Variants in ELAVL4 observed in about 807,000 individuals in gnomAD.
ELAVL4 encodes the protein ELAV-like protein 4.
ELAVL4 carries 1 observed loss-of-function variant against 35.6 expected under a neutral mutation model. The observed-to-expected ratio is 0.03, with a 90% confidence interval of 0.01 to 0.13. ELAVL4 has a LOEUF of 0.13. Ranked by LOEUF, ELAVL4 falls within the 10% of genes least tolerant of loss-of-function variation. The pLI, the probability that ELAVL4 is intolerant of heterozygous loss-of-function variation, is 1.00. For synonymous variants in ELAVL4, 156 were observed against 171.0 expected, an observed-to-expected ratio of 0.91 and a Z score of 0.69; for missense variants, 267 against 464.9, an observed-to-expected ratio of 0.57 and a Z score of 3.91.
At chr1:50,144,252 A>G (rs1673303826) in intron 1 of ELAVL4, among the ~76,000 whole-genome samples, 1 of 152,178 alleles carries the variant, frequency 6.6e-6, no homozygotes, top group South Asian at 2.1e-4. Context: ...GTAATATGTG[A>G]GTGGACAGCC....
chr1:50,172,166 G>A (rs776200411), intron 2 of ELAVL4, among the ~76,000 whole-genome samples: 23 of 152,116 alleles, frequency 1.5e-4, no homozygotes, highest in Non-Finnish European at 2.9e-4. Context: ...CTCTACTGCA[G>A]CCATCAACCA....
chr1:50,128,859 G>A (rs1296242124), intron 1 of ELAVL4, among the ~76,000 whole-genome samples: 1 of 152,106 alleles, frequency 6.6e-6, no homozygotes, highest in African/African-American at 2.4e-5. Context: ...ATGGGAGTCA[G>A]TGACCAGAAG....
intron 1 of ELAVL4, among the ~76,000 whole-genome samples, chr1:50,115,575 C>T (rs572848201): frequency 6.6e-6 from 1 of 151,520 alleles, no homozygotes; most frequent in East Asian, 1.9e-4. Context: ...ATATTTTTTC[C>T]ATAGGAAGTT....
At chr1:50,106,470 A>G, upstream of ELAVL4, 1 of 1,167,426 alleles carries the variant, frequency 8.6e-7, no homozygotes, top group Non-Finnish European at 1.3e-6. Flanking sequence ...TGCTTGAGTG[A>G]GACAAGTTTC....
At chr1:50,091,934 A>G (rs982391566) in intron 1 of ELAVL4, among the ~76,000 whole-genome samples, 1 of 152,170 alleles carries the variant, frequency 6.6e-6, no homozygotes, top group Non-Finnish European at 1.5e-5. Flanking sequence ...CCAAATCTCT[A>G]TACTTCCAAA....
chr1:50,183,787 G>A (rs543536358), intron 3 of ELAVL4, among the ~76,000 whole-genome samples: 1 of 152,308 alleles, frequency 6.6e-6, no homozygotes, highest in South Asian at 2.1e-4. Flanking sequence ...TTCGGCATAA[G>A]CAATTATTTC....
rs1644418895 is a variant in ELAVL4, at chr1:50,202,176, C to T, written c.*998C>T. 1 of 152,026 alleles carries T rather than the reference C, an allele frequency of 6.6e-6. No homozygotes were observed. The highest frequency in any genetic ancestry group is 2.4e-5 in the African/African-American group (1 of 41,400). 9.4% of individuals were successfully genotyped at this position (152,026 alleles called of 1,614,324 possible). A position where few individuals can be genotyped will look rare whatever the true frequency, so the allele number is the denominator to read the frequency against. Reference sequence around the variant, plus strand: ...TTAATTACTAGGGGAAAGGAGTGTTCGTTCTACCCAGGGTACCACAGTTCC... The same window carrying T: ...TTAATTACTAGGGGAAAGGAGTGTTTGTTCTACCCAGGGTACCACAGTTCC... On this transcript the variant is annotated 3_prime_UTR_variant, in exon 7 of 7. Coordinates refer to ENST00000371824, the MANE Select transcript of ELAVL4 (RefSeq NM_001144774.3).
chr1:50,108,024 A>C (rs1261639595), upstream of ELAVL4, among the ~76,000 whole-genome samples: 1 of 152,260 alleles, frequency 6.6e-6, no homozygotes, highest in African/African-American at 2.4e-5. Context: ...ACAGGTTTTG[A>C]AATGAGGCTG....
chr1:50,150,815 G>C (rs1281666076), intron 2 of ELAVL4, among the ~76,000 whole-genome samples: 2 of 152,174 alleles, frequency 1.3e-5, no homozygotes, highest in African/African-American at 4.8e-5. Context: ...CCCAAGGTGA[G>C]TTTATTGGCA....
intron 6 of ELAVL4, among the ~76,000 whole-genome samples, chr1:50,197,975 G>A (rs377308069): frequency 1.7e-4 from 26 of 152,340 alleles, no homozygotes; most frequent in East Asian, 5.8e-4. Flanking sequence ...AAACAAACAC[G>A]TGGATGACTT....
intron 3 of ELAVL4, among the ~76,000 whole-genome samples, chr1:50,188,016 A>G (rs1682097789): frequency 6.6e-6 from 1 of 151,900 alleles, no homozygotes; most frequent in South Asian, 2.1e-4. Context: ...AATTGCTTGA[A>G]CTCAGGAGGC....
chr1:50,108,961 C>T lies in ELAVL4; in HGVS notation c.-229C>T. The stretch of plus-strand genomic sequence containing the variant: ...GGCTCTGTTCAGTTGTTCTTATCTA[C>T]ATCCTAGAATCGGGGGTTTCAGCTC... On this transcript the variant is annotated 5_prime_UTR_variant, in exon 1 of 7. Transcript: ENST00000371824. 8.1e-7 allele frequency: 1 copy of T among 1,234,662 alleles called. No individual in the cohort carries two copies. Among genetic ancestry groups the T allele is most frequent in the South Asian group, 2.5e-5 (1 of 40,772 alleles). The allele number at this position is 1,234,662 out of a possible 1,614,324, so 76.5% of individuals were successfully genotyped here. A position where few individuals can be genotyped will look rare whatever the true frequency, so the allele number is the denominator to read the frequency against.
intron 1 of ELAVL4, among the ~76,000 whole-genome samples, chr1:50,070,667 G>T (rs1045947150): frequency 2.2e-4 from 33 of 149,910 alleles, no homozygotes; most frequent in Admixed American, 1.6e-3. Context: ...CTTGAACCCA[G>T]GAGGCGGAGG....
rs61784186 is a variant in ELAVL4 at position 50,165,794 on chromosome 1, A to G, written c.251-11295A>G. ...TATGTGTGTATATATGTGTATATAT[A>G]TGTGTATATGTGTGTGTGTATATAT... On this transcript the variant is annotated intron_variant, in intron 2 of 6. Transcript: ENST00000371824. 1.5e-4 allele frequency among the ~76,000 whole-genome samples: 14 copies of G among 96,216 alleles called. No homozygotes were observed. The South Asian group carries it at 1.5e-3, about 10-fold the overall frequency. 63.1% of individuals were successfully genotyped at this position (96,216 alleles called of 152,430 possible).
intron 2 of ELAVL4, among the ~76,000 whole-genome samples, chr1:50,159,311 T>C (rs887039402): frequency 1.3e-5 from 2 of 152,158 alleles, no homozygotes; most frequent in African/African-American, 4.8e-5. Flanking sequence ...GAACCAAGTT[T>C]AAAAGTGATT....
intron 2 of ELAVL4, among the ~76,000 whole-genome samples, chr1:50,150,468 C>CT (rs1193034596): frequency 2.6e-5 from 4 of 152,158 alleles, no homozygotes; most frequent in African/African-American, 9.7e-5. Context: ...AACTTGTGTT[C>CT]TTTCTTGAAT....
intron 3 of ELAVL4, among the ~76,000 whole-genome samples, chr1:50,189,401 C>A (rs1199885537): frequency 6.6e-6 from 1 of 152,232 alleles, no homozygotes; most frequent in East Asian, 1.9e-4. Flanking sequence ...CTGCTTTACC[C>A]ACCTTGGTGA....
At chr1:50,102,626 T>C (rs761023488), upstream of ELAVL4, among the ~76,000 whole-genome samples, 24 of 152,234 alleles carry the variant, frequency 1.6e-4, no homozygotes, top group Non-Finnish European at 3.1e-4. Context: ...TATCCTTTAA[T>C]GGTATGAATA....
At chr1:50,113,266 T>C (rs1006116812) in intron 1 of ELAVL4, among the ~76,000 whole-genome samples, 4 of 152,110 alleles carry the variant, frequency 2.6e-5, no homozygotes, top group South Asian at 2.1e-4. Flanking sequence ...TATTTCCTTA[T>C]TATAGGTGGG....
Sources: allele counts gnomAD v4.1 joint callset (sites outside exome capture counted in the v4.1 genomes callset), GRCh38; gene constraint gnomAD v4.1.1; transcripts MANE v1.5; gene names NCBI Gene and HGNC (gene_info 2026-07-23, HGNC 2026-07-21).